Variants in ERC2 observed in about 807,000 individuals in gnomAD.
The protein encoded by ERC2 is ERC protein 2.
ERC2 carries 42 observed loss-of-function variants against 114.8 expected under a neutral mutation model. The observed-to-expected ratio is 0.37, with a 90% CI of 0.29 to 0.47. The LOEUF (loss-of-function observed/expected upper bound fraction) is 0.47. ERC2 is among the 20% of genes least tolerant of loss of function. The probability of loss-of-function intolerance (pLI) is 0.99; values close to 1 mark genes in which losing one functional copy is unlikely to be tolerated. For synonymous variants in ERC2, 454 were observed against 425.5 expected (o/e 1.07, Z -0.82); for missense variants, 939 against 1,150.7 (o/e 0.82, Z 2.66).
chr3:55,574,857 C>A (rs887173966), intron 17 of ERC2, among the ~76,000 whole-genome samples: 1 of 152,244 alleles, frequency 6.6e-6, no homozygotes, highest in South Asian at 2.1e-4. Flanking sequence ...CCAGAATGGG[C>A]CCTCTGTTTT....
chr3:55,672,575 G>T (rs1362970067), intron 17 of ERC2, among the ~76,000 whole-genome samples: 1 of 152,172 alleles, frequency 6.6e-6, no homozygotes, highest in East Asian at 1.9e-4. Context: ...TGGGAGATCA[G>T]ATGAAAATCA....
chr3:55,718,575 G>C (rs1019035954), intron 15 of ERC2, among the ~76,000 whole-genome samples: 2 of 152,218 alleles, frequency 1.3e-5, no homozygotes, highest in Admixed American at 1.3e-4. Flanking sequence ...AAATGTGGGT[G>C]ACCTGGTAAA....
intron 17 of ERC2, among the ~76,000 whole-genome samples, chr3:55,623,806 T>C (rs1237554941): frequency 6.6e-6 from 1 of 152,228 alleles, no homozygotes. Context: ...TCCCCTCCCC[T>C]GTCCAGGTGT....
intron 3 of ERC2, among the ~76,000 whole-genome samples, chr3:56,283,801 A>T (rs2054506576): frequency 6.6e-6 from 1 of 152,238 alleles, no homozygotes; most frequent in South Asian, 2.1e-4. Context: ...GACAAGCGGT[A>T]CAAAAAGAAA....
intron 17 of ERC2, among the ~76,000 whole-genome samples, chr3:55,652,882 A>C (rs1575953886): frequency 7.3e-6 from 1 of 137,606 alleles, no homozygotes; most frequent in African/African-American, 2.6e-5. Context: ...AAAAAAAAAA[A>C]ACCAATACAT....
At chr3:55,998,797 T>C (rs1317960296) in intron 10 of ERC2, among the ~76,000 whole-genome samples, 1 of 152,236 alleles carries the variant, frequency 6.6e-6, no homozygotes, top group African/African-American at 2.4e-5. Flanking sequence ...GCCTGCTTTT[T>C]GGCTTTTGTT....
chr3:56,077,570 G>A (rs1434627137), intron 7 of ERC2, among the ~76,000 whole-genome samples: 1 of 152,100 alleles, frequency 6.6e-6, no homozygotes, highest in African/African-American at 2.4e-5. Context: ...CTTATGCATT[G>A]GAAGTGCCAT....
chr3:56,343,424 C>T (rs55649378), intron 2 of ERC2, among the ~76,000 whole-genome samples: 35 of 151,462 alleles, frequency 2.3e-4, no homozygotes, highest in Middle Eastern at 6.8e-3. Context: ...TCTATGCTTT[C>T]GGAGGCAAAA....
chr3:55,646,219 T>C (rs1230699653), intron 17 of ERC2, among the ~76,000 whole-genome samples: 1 of 152,244 alleles, frequency 6.6e-6, no homozygotes, highest in African/African-American at 2.4e-5. Flanking sequence ...CAGAAAGTAA[T>C]TGCCCTGCAA....
chr3:56,045,492 C>T (rs887321473), intron 7 of ERC2, among the ~76,000 whole-genome samples: 4 of 152,098 alleles, frequency 2.6e-5, no homozygotes, highest in Non-Finnish European at 5.9e-5. Context: ...AAGATGGATC[C>T]TACCTGTGCC....
chr3:56,309,467 A>G (rs1576371389), intron 2 of ERC2, among the ~76,000 whole-genome samples: 3 of 152,336 alleles, frequency 2.0e-5, no homozygotes, highest in Non-Finnish European at 2.9e-5. Flanking sequence ...CACTGAGCTT[A>G]GAGTTAAGGA....
chr3:56,316,567 G>T (rs2056872696), intron 2 of ERC2, among the ~76,000 whole-genome samples: 1 of 152,084 alleles, frequency 6.6e-6, no homozygotes, highest in African/African-American at 2.4e-5. Flanking sequence ...ACTGTAAAAT[G>T]GAGATGATAC....
intron 3 of ERC2, among the ~76,000 whole-genome samples, chr3:56,285,750 C>T (rs1448814358): frequency 6.6e-6 from 1 of 152,188 alleles, no homozygotes; most frequent in East Asian, 1.9e-4. Flanking sequence ...TTTAACACAA[C>T]CTGCAGATAT....
At chr3:55,998,336 C>T (rs752116957) in intron 10 of ERC2, among the ~76,000 whole-genome samples, 8 of 152,046 alleles carry the variant, frequency 5.3e-5, no homozygotes, top group Non-Finnish European at 1.0e-4. Flanking sequence ...ATTATTAATG[C>T]AATCCTTTTT....
At chr3:56,058,569 A>G (rs1197461062) in intron 7 of ERC2, among the ~76,000 whole-genome samples, 2 of 152,210 alleles carry the variant, frequency 1.3e-5, no homozygotes, top group Non-Finnish European at 2.9e-5. Flanking sequence ...TTTTTGGATG[A>G]CACATGAAGT....
intron 3 of ERC2, among the ~76,000 whole-genome samples, chr3:56,270,908 G>C (rs1234613641): frequency 6.6e-6 from 1 of 152,180 alleles, no homozygotes; most frequent in Non-Finnish European, 1.5e-5. Flanking sequence ...CATGAACCCA[G>C]AAGGCAGAGC....
At position 56,142,157 on chromosome 3, in the gene ERC2, AT is replaced by A. The variant is rs898963608; in HGVS notation, c.1306-2482del. ...TATTTAGCTGAGTCAGTGTTGATACATTTTTTTCCCCAAAGAATTTTTTGTT... is the reference window on the plus strand; with the variant it reads ...TATTTAGCTGAGTCAGTGTTGATACATTTTTTCCCCAAAGAATTTTTTGTT... On this transcript the variant is annotated intron_variant, in intron 5 of 17. Coordinates refer to ENST00000288221, the MANE Select transcript of ERC2 (RefSeq NM_015576.3). Among the ~76,000 whole-genome samples the A allele has an allele frequency of 2.6e-5, 4 of 152,108 alleles. 1 individual carries two copies. Among genetic ancestry groups the A allele is most frequent in the Admixed American group, 6.5e-5 (1 of 15,270 alleles).
At chr3:56,198,460 G>A (rs2048232627) in intron 3 of ERC2, among the ~76,000 whole-genome samples, 1 of 152,188 alleles carries the variant, frequency 6.6e-6, no homozygotes, top group Non-Finnish European at 1.5e-5. Context: ...GAGGAGGTCA[G>A]AGGAGACTGC....
chr3:55,925,803 C>T (rs905080440), intron 13 of ERC2, among the ~76,000 whole-genome samples: 9 of 152,200 alleles, frequency 5.9e-5, no homozygotes, highest in African/African-American at 2.2e-4. Context: ...CCATATGATG[C>T]TACTATTAAA....
Sources: allele counts gnomAD v4.1 joint callset (sites outside exome capture counted in the v4.1 genomes callset), GRCh38; gene constraint gnomAD v4.1.1; transcripts MANE v1.5; gene names NCBI Gene and HGNC (gene_info 2026-07-23, HGNC 2026-07-21).